Variants in MEGF10 observed in about 807,000 individuals in gnomAD.
The protein encoded by MEGF10 is multiple epidermal growth factor-like domains protein 10.
A neutral mutation model predicts 147.5 loss-of-function variants in MEGF10; 86 were observed. The observed-to-expected ratio is 0.58, with a 90% CI of 0.49 to 0.70. MEGF10 has a LOEUF of 0.70. Ranked by LOEUF, MEGF10 falls within the 30% of genes least tolerant of loss-of-function variation. The pLI is 0.00. For missense variants in MEGF10, 1,329 were observed against 1,487.3 expected (o/e 0.89, Z 1.75); for synonymous variants, 478 against 525.5 (o/e 0.91, Z 1.24).
In MEGF10 at chr5:127,345,010, T is replaced by A. The variant is rs77628553; in HGVS notation, c.319+4380T>A. Among the ~76,000 whole-genome samples the A allele has an allele frequency of 2.4e-3, 363 of 152,298 alleles. 1 individual carries two copies. Among genetic ancestry groups the A allele is most frequent in the African/African-American group, 8.2e-3 (340 of 41,580 alleles). On this transcript the variant is annotated intron_variant, in intron 4 of 24. Transcript: ENST00000503335. Reference sequence around the variant, plus strand: ...GGAAAAGGACAGTAGCTCAGAAAGATCCTGAAGATTTTAAGTTTCATATTA... The same window carrying A: ...GGAAAAGGACAGTAGCTCAGAAAGAACCTGAAGATTTTAAGTTTCATATTA...
Position 127,440,814 on chromosome 5 carries a change from T to A in MEGF10, c.2309T>A (p.Ile770Asn), listed in dbSNP as rs1368918097. The A allele has an allele frequency of 6.2e-7, 1 of 1,613,996 alleles. No homozygotes were observed. Among genetic ancestry groups the A allele is most frequent in the Admixed American group, 1.7e-5 (1 of 60,004 alleles). The change falls in exon 18 of 25, where the codon ATT becomes AAT. Residue 770 changes from isoleucine (I) to asparagine (N), a missense_variant. Coordinates refer to ENST00000503335, the MANE Select transcript of MEGF10 (RefSeq NM_001256545.2). ...QCQNGADCDH[I>N]SGQCTCRTGF... ...CAAAACGGAGCTGACTGCGACCACA[T>A]TTCTGGGCAGTGTACTTGCCGCACT... is the stretch of plus-strand genomic sequence containing the variant.
At position 127,360,812 on chromosome 5, in the gene MEGF10, T is replaced by TTA. The variant is rs201438895; in HGVS notation, c.320-9088_320-9087dup. On this transcript the variant is annotated intron_variant, in intron 4 of 24. Transcript: ENST00000503335. ...TATATGAAGGAACTATATATATAGG[T>TTA]TATATATATATGTATGAAGGAACAT... Among the ~76,000 whole-genome samples, 27 of 151,676 alleles carry TTA rather than the reference T, an allele frequency of 1.8e-4. No individual in the cohort carries two copies. The East Asian group carries it at 3.5e-3, about 19-fold the overall frequency.
At chr5:127,263,525 G>A in the MEGF10 span, among the ~76,000 whole-genome samples, 1 of 152,022 alleles carries the variant, frequency 6.6e-6, no homozygotes, top group Non-Finnish European at 1.5e-5. Context: ...TAAGAGCTTA[G>A]TTGAAGGGAA....
the MEGF10 span, among the ~76,000 whole-genome samples, chr5:127,234,608 A>G: frequency 6.6e-6 from 1 of 152,198 alleles, no homozygotes; most frequent in Non-Finnish European, 1.5e-5. Flanking sequence ...TAACTTTTGT[A>G]TTGGTATCTC....
chr5:127,331,330 T>A lies in MEGF10; in HGVS notation c.22T>A (p.Cys8Ser). The A allele has an allele frequency of 6.2e-7, 1 of 1,612,406 alleles. No homozygotes were observed. Among genetic ancestry groups the A allele is most frequent in the African/African-American group, 1.3e-5 (1 of 75,002 alleles). Residue 8 changes from cysteine (C) to serine (S), a missense_variant, in exon 2 of 25, where the codon TGC becomes AGC. Cys to Ser is a moderately radical substitution (Grantham distance 112, BLOSUM62 -1). Transcript: ENST00000503335. Reference sequence around the variant, plus strand: ...AAAAATGGTTATTTCTTTGAACTCATGCCTGAGCTTTATTTGTTTATTGTT... The same window carrying A: ...AAAAATGGTTATTTCTTTGAACTCAAGCCTGAGCTTTATTTGTTTATTGTT... MVISLNS[C>S]LSFICLLLCH...
At chr5:127,435,250 A>C in intron 15 of MEGF10, 111 bp from the exon 16 acceptor site, 27 of 1,256,544 alleles carry the variant, frequency 2.1e-5, no homozygotes, top group Non-Finnish European at 2.8e-5. Context: ...AGAGATAGCT[A>C]CCAATGAGCA....
At chr5:127,374,199 C>G (rs1762943255) in intron 5 of MEGF10, among the ~76,000 whole-genome samples, 1 of 152,208 alleles carries the variant, frequency 6.6e-6, no homozygotes, top group African/African-American at 2.4e-5. Flanking sequence ...GCTATTGGCA[C>G]TGCGCTTACA....
intron 11 of MEGF10, among the ~76,000 whole-genome samples, chr5:127,419,656 A>G (rs1374483335): frequency 6.6e-6 from 1 of 152,096 alleles, no homozygotes; most frequent in African/African-American, 2.4e-5. Flanking sequence ...TGCTTTAAAG[A>G]TGGTGTTGTG....
intron 1 of MEGF10, among the ~76,000 whole-genome samples, chr5:127,305,829 A>G (rs949918493): frequency 6.6e-6 from 1 of 152,206 alleles, no homozygotes; most frequent in Non-Finnish European, 1.5e-5. Flanking sequence ...TAAGCTAACC[A>G]TCTAGGTCTA....
At chr5:127,271,132 T>G in the MEGF10 span, among the ~76,000 whole-genome samples, 2 of 152,190 alleles carry the variant, frequency 1.3e-5, no homozygotes, top group South Asian at 4.1e-4. Context: ...TTTGAGGAAT[T>G]ACCACACTAT....
chr5:127,265,048 C>T, the MEGF10 span, among the ~76,000 whole-genome samples: 1 of 152,118 alleles, frequency 6.6e-6, no homozygotes, highest in Non-Finnish European at 1.5e-5. Flanking sequence ...GGTATATTTC[C>T]TAATGCTTTC....
chr5:127,279,965 T>C, the MEGF10 span, among the ~76,000 whole-genome samples: 2 of 152,200 alleles, frequency 1.3e-5, no homozygotes, highest in African/African-American at 4.8e-5. Context: ...TCTATTACTT[T>C]CAGGATGAAA....
In MEGF10 at chr5:127,340,556, A is replaced by T; in HGVS notation, c.245A>T (p.His82Leu). The T allele has an allele frequency of 2.5e-6, 4 of 1,612,866 alleles. No homozygotes were observed. The highest frequency in any genetic ancestry group is 3.4e-6 in the Non-Finnish European group (4 of 1,179,128). The change falls in exon 4 of 25, where the codon CAT becomes CTT. Residue 82 changes from histidine to leucine, a missense_variant. Transcript: ENST00000503335. ...GTCAGCTATCGGACAGCCTATCGAC[A>T]TGGGGAGAAGACTATGTATAGGCGC... ...HRVSYRTAYRHGEKTMYRRKS... is the reference protein window; with the variant it reads ...HRVSYRTAYRLGEKTMYRRKS...
the MEGF10 span, among the ~76,000 whole-genome samples, chr5:127,278,893 T>A: frequency 0.55 from 83,203 of 151,876 alleles, 23,125 homozygotes; most frequent in Middle Eastern, 0.71. Context: ...AACTAAGGAG[T>A]TATAATTGGG....
chr5:127,447,775 G>T, intron 21 of MEGF10, 91 bp downstream of exon 21: 6 of 1,488,450 alleles, frequency 4.0e-6, no homozygotes, highest in South Asian at 1.2e-5. Flanking sequence ...ACCAGAGGCT[G>T]TTCTAGGTAC....
chr5:127,372,673 C>T (rs1231055221), intron 5 of MEGF10, among the ~76,000 whole-genome samples: 4 of 152,104 alleles, frequency 2.6e-5, no homozygotes, highest in African/African-American at 4.8e-5. Flanking sequence ...AGAATGTTCC[C>T]CAATCTGTGT....
At chr5:127,260,799 G>T in the MEGF10 span, among the ~76,000 whole-genome samples, 1,240 of 152,306 alleles carry the variant, frequency 8.1e-3, 17 homozygotes, top group African/African-American at 0.027. Context: ...AGGGATAAAA[G>T]AGACAAAAGG....
At chr5:127,286,011 C>T (rs1759018874), upstream of MEGF10, among the ~76,000 whole-genome samples, 1 of 152,038 alleles carries the variant, frequency 6.6e-6, no homozygotes, top group Non-Finnish European at 1.5e-5. Context: ...TTTGCAGCAA[C>T]ATGGATGGAA....
the MEGF10 span, among the ~76,000 whole-genome samples, chr5:127,263,477 C>T: frequency 6.6e-6 from 1 of 152,018 alleles, no homozygotes; most frequent in Non-Finnish European, 1.5e-5. Context: ...ATAGACTAAA[C>T]TGTTTAAACA....
Sources: gnomAD v4.1 joint callset for allele counts (sites outside exome capture counted in the v4.1 genomes callset) on GRCh38, gnomAD v4.1.1 for gene constraint, MANE v1.5 for transcripts, NCBI Gene and HGNC (gene_info 2026-07-23, HGNC 2026-07-21) for gene names.